Variants in ARFGEF1 observed in about 807,000 individuals in gnomAD.
ARFGEF1 encodes ARF guanine nucleotide exchange factor 1.
A neutral mutation model predicts 231.0 loss-of-function variants in ARFGEF1; 42 were observed. That is an observed-to-expected ratio of 0.18 (90% CI 0.14 to 0.24). The LOEUF (loss-of-function observed/expected upper bound fraction) is 0.24. Ranked by LOEUF, ARFGEF1 falls within the 10% of genes least tolerant of loss-of-function variation. The pLI is 1.00. For synonymous variants in ARFGEF1, 710 were observed against 732.3 expected (o/e 0.97, Z 0.49); for missense variants, 1,345 against 2,192.0 (o/e 0.61, Z 7.72).
chr8:67,319,872 GC>G (rs1408334781), intron 1 of ARFGEF1, among the ~76,000 whole-genome samples: 2 of 151,884 alleles, frequency 1.3e-5, no homozygotes, highest in Non-Finnish European at 2.9e-5. Context: ...TTTTTAATGG[GC>G]AAAAGACTTA....
chr8:67,314,246 A>C (rs1563910479), intron 1 of ARFGEF1, among the ~76,000 whole-genome samples: 1 of 152,206 alleles, frequency 6.6e-6, no homozygotes, highest in Admixed American at 6.5e-5. Context: ...TGAAGTCTAC[A>C]AGCCGCAGAT....
chr8:67,175,314 A>C (rs371720718), downstream of ARFGEF1: 22 of 1,611,120 alleles, frequency 1.4e-5, no homozygotes, highest in African/African-American at 2.9e-4. Flanking sequence ...ACACGAGTTG[A>C]TCTGAAATTT....
In ARFGEF1 at chr8:67,198,805, C is replaced by T; in HGVS notation, c.*129G>A. The T allele has an allele frequency of 6.8e-7, 1 of 1,464,018 alleles. No homozygotes were observed. The allele number at this position is 1,464,018 out of a possible 1,614,324, so 90.7% of individuals were successfully genotyped here. A position where few individuals can be genotyped will look rare whatever the true frequency, so the allele number is the denominator to read the frequency against. On this transcript the variant is annotated 3_prime_UTR_variant, in exon 39 of 39. Transcript: ENST00000262215. ...AGTGTTGCAAGTTTGAGTAAGACTT[C>T]TAAGCATCTTTACCAGTAACTCAGA...
downstream of ARFGEF1, chr8:67,174,217 A>G (rs1330003287): frequency 6.6e-6 from 1 of 152,140 alleles, no homozygotes; most frequent in Non-Finnish European, 1.5e-5. Flanking sequence ...CAGTGAAGCC[A>G]GGGACCAATC....
chr8:67,283,328 A>G (rs7822754), intron 7 of ARFGEF1, among the ~76,000 whole-genome samples: 19,637 of 152,150 alleles, frequency 0.13, 2,514 homozygotes, highest in African/African-American at 0.33. Flanking sequence ...CAAAAACCTG[A>G]AAATAATCTA....
intron 32 of ARFGEF1, among the ~76,000 whole-genome samples, 185 bp from the exon 33 acceptor site, chr8:67,216,847 GA>G (rs1394572028): frequency 6.6e-6 from 1 of 151,974 alleles, no homozygotes; most frequent in African/African-American, 2.4e-5. Context: ...TGTACTTTTA[GA>G]AAAAAATTAA....
intron 29 of ARFGEF1, among the ~76,000 whole-genome samples, chr8:67,222,227 A>ATACGTATG (rs1839213712): frequency 8.7e-6 from 1 of 115,156 alleles, no homozygotes; most frequent in African/African-American, 3.5e-5. Context: ...ATATATATGT[A>ATACGTATG]TATGTATGTA....
At chr8:67,301,671 G>A (rs11779287) in intron 2 of ARFGEF1, among the ~76,000 whole-genome samples, 43,715 of 152,022 alleles carry the variant, frequency 0.29, 6,420 homozygotes, top group East Asian at 0.38. Context: ...ATATTTTATT[G>A]TCACTTAACA....
chr8:67,252,718 GGGGGC>G (rs1840335891), intron 18 of ARFGEF1, among the ~76,000 whole-genome samples: 1 of 152,120 alleles, frequency 6.6e-6, no homozygotes, highest in African/African-American at 2.4e-5. Flanking sequence ...GTGTCTAGAA[GGGGGC>G]TGGGTTCACA....
intron 19 of ARFGEF1, among the ~76,000 whole-genome samples, chr8:67,249,548 A>T (rs1255637502): frequency 1.3e-5 from 2 of 150,678 alleles, no homozygotes; most frequent in Non-Finnish European, 2.9e-5. Context: ...AAGGCATAGA[A>T]TATTATGAAT....
rs1452216832 is a variant in ARFGEF1, at chr8:67,311,298, G to GC, written c.125-8833dup. On this transcript the variant is annotated intron_variant, in intron 1 of 38. Coordinates refer to ENST00000262215, the MANE Select transcript of ARFGEF1 (RefSeq NM_006421.5). The stretch of plus-strand genomic sequence containing the variant: ...TCCGGGAGGGAGGTGGGGGGGGTCA[G>GC]CCCCCCCGCCCGGCCAGCTGCCCCA... Among the ~76,000 whole-genome samples, 30 of 96,672 alleles carry GC rather than the reference G, an allele frequency of 3.1e-4. 1 individual carries two copies. Among genetic ancestry groups the GC allele is most frequent in the African/African-American group, 9.3e-4 (23 of 24,788 alleles). 63.4% of individuals were successfully genotyped at this position (96,672 alleles called of 152,430 possible).
chr8:67,254,245 G>A (rs949050126), intron 17 of ARFGEF1, among the ~76,000 whole-genome samples: 8 of 152,054 alleles, frequency 5.3e-5, no homozygotes, highest in African/African-American at 1.7e-4. Flanking sequence ...TCTGTAAGAC[G>A]GTAACCCCAT....
chr8:67,219,657 G>C, intron 29 of ARFGEF1, 97 bp from the exon 30 acceptor site: 1 of 1,287,974 alleles, frequency 7.8e-7, no homozygotes, highest in Non-Finnish European at 1.0e-6. Flanking sequence ...AAAACAGAAA[G>C]CTTAAAACTA....
intron 1 of ARFGEF1, among the ~76,000 whole-genome samples, chr8:67,303,731 T>A (rs1039758779): frequency 7.2e-4 from 107 of 147,722 alleles, no homozygotes; most frequent in African/African-American, 1.4e-3. Context: ...AAAAAAAAAA[T>A]AATAATTAAT....
chr8:67,343,680 G>A lies in ARFGEF1; in HGVS notation c.-393C>T. The A allele has an allele frequency of 1.1e-6, 1 of 901,100 alleles. No individual in the cohort carries two copies. The highest frequency in any genetic ancestry group is 1.3e-6 in the Non-Finnish European group (1 of 747,786). 55.8% of individuals were successfully genotyped at this position (901,100 alleles called of 1,614,324 possible). ...GCGGCGGCTCTCAGAGGCACCGCGA[G>A]AGAAGGGCTACCCTGGCTACTGTGG... On this transcript the variant is annotated 5_prime_UTR_variant, in exon 1 of 39. Coordinates refer to ENST00000262215, the MANE Select transcript of ARFGEF1 (RefSeq NM_006421.5).
chr8:67,309,080 G>A (rs563623008), intron 1 of ARFGEF1, among the ~76,000 whole-genome samples: 2 of 152,146 alleles, frequency 1.3e-5, no homozygotes, highest in African/African-American at 4.8e-5. Flanking sequence ...TAAAAAGAAG[G>A]AAATCCTGTC....
intron 19 of ARFGEF1, among the ~76,000 whole-genome samples, chr8:67,241,602 G>A (rs188774271): frequency 1.2e-4 from 19 of 152,206 alleles, no homozygotes; most frequent in African/African-American, 4.1e-4. Context: ...GTGGAACACC[G>A]TTTGGCAATA....
rs1840237839 is a variant in ARFGEF1 at position 67,250,251 on chromosome 8, CG to C, written c.2850+1047del. ...AAAAGATCACTCCGGTCTCTATAAA[CG>C]GGTAAGAGGAGTGAAAAAGTAGACA... On this transcript the variant is annotated intron_variant, in intron 19 of 38. Transcript: ENST00000262215. Among the ~76,000 whole-genome samples the C allele has an allele frequency of 3.9e-5, 6 of 151,988 alleles. No homozygotes were observed. The South Asian group carries it at 1.2e-3, about 32-fold the overall frequency.
intron 22 of ARFGEF1, among the ~76,000 whole-genome samples, chr8:67,234,812 A>G (rs1033146870): frequency 6.6e-6 from 1 of 152,130 alleles, no homozygotes. Flanking sequence ...AATCAGAGAG[A>G]TAAACTAAAA....
Sources: gnomAD v4.1 joint callset for allele counts (sites outside exome capture counted in the v4.1 genomes callset) on GRCh38, gnomAD v4.1.1 for gene constraint, MANE v1.5 for transcripts, NCBI Gene and HGNC (gene_info 2026-07-23, HGNC 2026-07-21) for gene names.